Variants in AGBL4 observed in about 807,000 individuals in gnomAD.
The protein encoded by AGBL4 is cytosolic carboxypeptidase 6.
AGBL4 carries 58 observed loss-of-function variants against 66.4 expected under a neutral mutation model. The ratio of observed to expected loss-of-function variants is 0.87; its 90% confidence interval spans 0.71 to 1.09. The LOEUF (loss-of-function observed/expected upper bound fraction) is 1.09, where lower values mean the gene tolerates loss of function less well. Ranked by LOEUF, AGBL4 falls within the 50% of genes least tolerant of loss-of-function variation. AGBL4 has a pLI of 0.00. For missense variants in AGBL4, 579 were observed against 631.0 expected (o/e 0.92, Z 0.88); for synonymous variants, 234 against 222.9 (o/e 1.05, Z -0.44).
rs35572126 is a variant in AGBL4 at position 48,668,003 on chromosome 1, TTTGTTGTTGTTG to T, written c.635-4774_635-4763del. Among the ~76,000 whole-genome samples the T allele has an allele frequency of 2.0e-4, 30 of 150,214 alleles. 1 individual carries two copies. In the South Asian group the frequency reaches 4.5e-3, roughly 22 times the overall value. On this transcript the variant is annotated intron_variant, in intron 6 of 13. Transcript: ENST00000371839. ...GTGGAATGTTATAATGGGGGAAGCA[TTTGTTGTTGTTG>T]TTGTTGTTGTTGTTGTTGTTGACAC...
intron 6 of AGBL4, among the ~76,000 whole-genome samples, chr1:48,834,239 G>A (rs1646625366): frequency 6.6e-6 from 1 of 152,108 alleles, no homozygotes; most frequent in Non-Finnish European, 1.5e-5. Context: ...TGTATTTTGA[G>A]TCTCACCCAT....
chr1:48,961,517 G>A (rs1264318389), intron 5 of AGBL4, among the ~76,000 whole-genome samples: 2 of 152,192 alleles, frequency 1.3e-5, no homozygotes, highest in Admixed American at 6.5e-5. Flanking sequence ...GTGTGTTGGC[G>A]CAGAAGTGGA....
chr1:48,591,064 C>A, intron 9 of AGBL4, 79 bp from the exon 10 acceptor site: 1 of 1,239,402 alleles, frequency 8.1e-7, no homozygotes, highest in Non-Finnish European at 1.1e-6. Flanking sequence ...ACACTACACA[C>A]ACACACCCCC....
intron 4 of AGBL4, among the ~76,000 whole-genome samples, chr1:49,072,326 T>TC (rs1644623531): frequency 1.3e-5 from 2 of 152,334 alleles, no homozygotes; most frequent in African/African-American, 4.8e-5. Flanking sequence ...TTGATGCTGT[T>TC]CTTCATAGCA....
intron 4 of AGBL4, among the ~76,000 whole-genome samples, chr1:49,213,267 T>A (rs1403276891): frequency 6.6e-6 from 1 of 152,174 alleles, no homozygotes; most frequent in African/African-American, 2.4e-5. Flanking sequence ...CTTTCTTGAT[T>A]AGCAGAGATA....
At chr1:49,824,253 C>A (rs1403145632) in intron 2 of AGBL4, among the ~76,000 whole-genome samples, 1 of 151,910 alleles carries the variant, frequency 6.6e-6, no homozygotes, top group Non-Finnish European at 1.5e-5. Context: ...CATGGGAAAC[C>A]AAAATCCTAA....
chr1:49,820,975 T>C (rs1024444697), intron 2 of AGBL4, among the ~76,000 whole-genome samples: 2 of 152,186 alleles, frequency 1.3e-5, no homozygotes, highest in Admixed American at 1.3e-4. Context: ...GAGGCCACAA[T>C]AGATGTGAAA....
intron 5 of AGBL4, among the ~76,000 whole-genome samples, chr1:48,992,003 A>C (rs1292886389): frequency 6.6e-6 from 1 of 152,002 alleles, no homozygotes; most frequent in Non-Finnish European, 1.5e-5. Flanking sequence ...TATTTGGTTC[A>C]TTTGGTGAGG....
At chr1:48,806,583 G>A (rs547796195) in intron 6 of AGBL4, among the ~76,000 whole-genome samples, 13 of 152,192 alleles carry the variant, frequency 8.5e-5, no homozygotes, top group African/African-American at 2.4e-4. Context: ...CCTTTTCCTT[G>A]AGCTGAACTA....
At chr1:48,734,891 A>G (rs1187359253) in intron 6 of AGBL4, among the ~76,000 whole-genome samples, 7 of 152,176 alleles carry the variant, frequency 4.6e-5, no homozygotes, top group Non-Finnish European at 2.9e-5. Flanking sequence ...ACTGAGTCTT[A>G]CTTTCTTTAT....
intron 3 of AGBL4, among the ~76,000 whole-genome samples, chr1:49,480,171 G>A (rs1436901225): frequency 2.0e-5 from 3 of 151,876 alleles, no homozygotes; most frequent in African/African-American, 7.3e-5. Flanking sequence ...AGGTTGCTGG[G>A]TCAAATTAGT....
intron 1 of AGBL4, among the ~76,000 whole-genome samples, chr1:49,993,559 A>G (rs550570510): frequency 7.2e-5 from 11 of 152,286 alleles, no homozygotes; most frequent in Middle Eastern, 3.4e-3. Context: ...CATCCCTGTG[A>G]CAGAATATTC....
chr1:49,914,237 G>C (rs2148218308), intron 1 of AGBL4, among the ~76,000 whole-genome samples: 1 of 152,178 alleles, frequency 6.6e-6, no homozygotes, highest in Non-Finnish European at 1.5e-5. Flanking sequence ...CTCTGTATGT[G>C]GTTAAAAGCA....
At chr1:49,456,828 G>A (rs987314344) in intron 3 of AGBL4, among the ~76,000 whole-genome samples, 2 of 151,660 alleles carry the variant, frequency 1.3e-5, no homozygotes, top group Non-Finnish European at 1.5e-5. Context: ...ACGATGTTTG[G>A]TTTTCCATTC....
intron 5 of AGBL4, among the ~76,000 whole-genome samples, chr1:49,026,766 A>G (rs1663730188): frequency 6.6e-6 from 1 of 152,152 alleles, no homozygotes; most frequent in Admixed American, 6.5e-5. Context: ...TCTCTTCCCT[A>G]TTTGATTATG....
intron 2 of AGBL4, among the ~76,000 whole-genome samples, chr1:49,764,345 C>T (rs112058783): frequency 6.6e-6 from 1 of 152,152 alleles, no homozygotes. Context: ...CACAGCCACA[C>T]CGCTTATGCC....
chr1:48,981,272 TTATC>T (rs1659743766), intron 5 of AGBL4, among the ~76,000 whole-genome samples: 1 of 152,210 alleles, frequency 6.6e-6, no homozygotes, highest in Non-Finnish European at 1.5e-5. Flanking sequence ...TGATTTCTTC[TTATC>T]TATTTCTGCA....
At chr1:48,906,081 A>G (rs1313142436) in intron 5 of AGBL4, among the ~76,000 whole-genome samples, 2 of 152,208 alleles carry the variant, frequency 1.3e-5, no homozygotes, top group Non-Finnish European at 2.9e-5. Flanking sequence ...AAAGGGAAGA[A>G]AGATATAATG....
intron 6 of AGBL4, among the ~76,000 whole-genome samples, chr1:48,782,567 T>C (rs1343141144): frequency 1.3e-5 from 2 of 152,240 alleles, no homozygotes; most frequent in Non-Finnish European, 2.9e-5. Context: ...CTGTGATGTT[T>C]GATTAGACTT....
Sources: gnomAD v4.1 joint callset for allele counts (sites outside exome capture counted in the v4.1 genomes callset) on GRCh38, gnomAD v4.1.1 for gene constraint, MANE v1.5 for transcripts, NCBI Gene and HGNC (gene_info 2026-07-23, HGNC 2026-07-21) for gene names.